Variants in ASTN2 observed in about 807,000 individuals in gnomAD.
The protein encoded by ASTN2 is astrotactin 2.
ASTN2 carries 54 observed loss-of-function variants against 139.8 expected under a neutral mutation model. The ratio of observed to expected loss-of-function variants is 0.39; its 90% CI spans 0.31 to 0.48. The LOEUF (loss-of-function observed/expected upper bound fraction) is 0.48. Ranked by LOEUF, ASTN2 falls within the 20% of genes least tolerant of loss-of-function variation. The pLI is 0.95. For synonymous variants in ASTN2, 756 were observed against 719.5 expected (o/e 1.05, Z -0.81); for missense variants, 1,565 against 1,725.1 (o/e 0.91, Z 1.64).
intron 12 of ASTN2, among the ~76,000 whole-genome samples, chr9:116,815,804 CAAAA>C (rs55954354): frequency 0.01 from 246 of 24,088 alleles, 3 homozygotes; most frequent in African/African-American, 0.041. Context: ...GACTCCGTCT[CAAAA>C]AAAAAAAAAA....
intron 1 of ASTN2, among the ~76,000 whole-genome samples, chr9:117,371,332 G>A (rs1829984867): frequency 6.6e-6 from 1 of 152,104 alleles, no homozygotes; most frequent in Non-Finnish European, 1.5e-5. Flanking sequence ...AACTAAAAGG[G>A]TCTATATATT....
intron 7 of ASTN2, among the ~76,000 whole-genome samples, chr9:117,004,719 G>T (rs2132578488): frequency 6.6e-6 from 1 of 152,284 alleles, no homozygotes; most frequent in South Asian, 2.1e-4. Flanking sequence ...AAGCCAGCCA[G>T]ACTCTTGTGA....
chr9:117,181,116 AC>A (rs1289053109), intron 3 of ASTN2: 1 of 899,382 alleles, frequency 1.1e-6, no homozygotes, highest in Non-Finnish European at 1.8e-6. Flanking sequence ...CAGGCTGCAT[AC>A]ACTACCAAGA....
chr9:117,110,313 G>T (rs938950716), intron 4 of ASTN2, among the ~76,000 whole-genome samples: 5 of 151,968 alleles, frequency 3.3e-5, no homozygotes, highest in African/African-American at 1.2e-4. Context: ...TCACCATAAG[G>T]GACCCATCCT....
intron 1 of ASTN2, among the ~76,000 whole-genome samples, chr9:117,384,480 C>T (rs982270272): frequency 1.3e-5 from 2 of 152,168 alleles, no homozygotes; most frequent in African/African-American, 2.4e-5. Context: ...AGTCCCTTCC[C>T]ACCTCTGCAC....
chr9:117,315,037 C>T (rs887000863), intron 1 of ASTN2, among the ~76,000 whole-genome samples: 2 of 149,290 alleles, frequency 1.3e-5, no homozygotes, highest in Admixed American at 1.3e-4. Flanking sequence ...TAACTAATTC[C>T]TTCAAGGCAT....
At chr9:117,342,200 A>G (rs1829082333) in intron 1 of ASTN2, among the ~76,000 whole-genome samples, 1 of 152,182 alleles carries the variant, frequency 6.6e-6, no homozygotes, top group African/African-American at 2.4e-5. Flanking sequence ...TGAATAGGAC[A>G]ATCAGGTTCA....
At chr9:116,658,588 C>T (rs1858365807) in intron 16 of ASTN2, among the ~76,000 whole-genome samples, 3 of 151,972 alleles carry the variant, frequency 2.0e-5, no homozygotes, top group South Asian at 2.1e-4. Flanking sequence ...ACGAGAAGTC[C>T]CAAGCATTGG....
chr9:116,578,878 G>A (rs2131706859), intron 19 of ASTN2: 1 of 152,176 alleles, frequency 6.6e-6, no homozygotes, highest in East Asian at 1.9e-4. Flanking sequence ...AAACAGCCTG[G>A]AAATTTCATG....
At chr9:116,818,458 T>A (rs568221611) in intron 12 of ASTN2, among the ~76,000 whole-genome samples, 5 of 152,184 alleles carry the variant, frequency 3.3e-5, no homozygotes, top group Non-Finnish European at 7.4e-5. Context: ...CAAATCCTGT[T>A]GAAACTGCAG....
At chr9:116,599,682 T>C (rs1854771012) in intron 19 of ASTN2, among the ~76,000 whole-genome samples, 1 of 152,128 alleles carries the variant, frequency 6.6e-6, no homozygotes, top group South Asian at 2.1e-4. Context: ...ATAGTGGAAA[T>C]ACACAAGGTG....
intron 10 of ASTN2, among the ~76,000 whole-genome samples, chr9:116,961,155 C>A (rs1835864973): frequency 6.6e-6 from 1 of 151,976 alleles, no homozygotes; most frequent in African/African-American, 2.4e-5. Context: ...CAAAACCATT[C>A]TTTTTTCTCT....
rs2132291692 is a variant in ASTN2, at chr9:116,835,358, A to G, written c.2041-14575T>C. Among the ~76,000 whole-genome samples the G allele has an allele frequency of 1.3e-5, 2 of 152,300 alleles. 1 individual carries two copies. Among genetic ancestry groups the G allele is most frequent in the South Asian group, 4.1e-4 (2 of 4,824 alleles). The stretch of plus-strand genomic sequence containing the variant: ...TTTATCCCAAAACACGTTTCTTGAC[A>G]TATTTTGAAATGGCCCTGCAAAGCT... On this transcript the variant is annotated intron_variant, in intron 11 of 22. Transcript: ENST00000313400.
intron 2 of ASTN2, among the ~76,000 whole-genome samples, chr9:117,271,989 C>T (rs1834076496): frequency 6.6e-6 from 1 of 152,182 alleles, no homozygotes; most frequent in Non-Finnish European, 1.5e-5. Context: ...CACAGCTATA[C>T]TAGGCAGTAC....
At chr9:116,753,560 C>A (rs1417292510) in intron 13 of ASTN2, among the ~76,000 whole-genome samples, 1 of 152,036 alleles carries the variant, frequency 6.6e-6, no homozygotes, top group Non-Finnish European at 1.5e-5. Flanking sequence ...CATTTCACAA[C>A]ACTAATGCAT....
At chr9:116,621,667 C>T (rs558143578) in intron 17 of ASTN2, among the ~76,000 whole-genome samples, 2 of 152,312 alleles carry the variant, frequency 1.3e-5, no homozygotes, top group East Asian at 3.9e-4. Flanking sequence ...ACTGGTCCCA[C>T]CAAGGGCAAG....
At chr9:117,312,922 C>A (rs1828022592) in intron 1 of ASTN2, among the ~76,000 whole-genome samples, 2 of 151,942 alleles carry the variant, frequency 1.3e-5, no homozygotes, top group Admixed American at 6.6e-5. Context: ...ATGTGGGTGC[C>A]CCTGCCTGTC....
chr9:117,148,353 C>A (rs1830249585), intron 3 of ASTN2, among the ~76,000 whole-genome samples: 1 of 152,204 alleles, frequency 6.6e-6, no homozygotes, highest in African/African-American at 2.4e-5. Context: ...AGTAAATGCT[C>A]AAGAAAGAGT....
chr9:116,423,794 A>C lies in ASTN2; in HGVS notation c.*2057T>G, dbSNP rs1847241554. Among the ~76,000 whole-genome samples the C allele has an allele frequency of 2.6e-5, 4 of 152,056 alleles. No homozygotes were observed. The highest frequency in any genetic ancestry group is 2.6e-4 in the Admixed American group (4 of 15,262). On this transcript the variant is annotated 3_prime_UTR_variant, in exon 23 of 23. Transcript: ENST00000313400. ...TGTGTTACCCATTTTCCCCATATGGATTGAAGTCCTGGGGAAAAAAATGCG... is the reference window on the plus strand; with the variant it reads ...TGTGTTACCCATTTTCCCCATATGGCTTGAAGTCCTGGGGAAAAAAATGCG...
Sources: gnomAD v4.1 joint callset for allele counts (sites outside exome capture counted in the v4.1 genomes callset) on GRCh38, gnomAD v4.1.1 for gene constraint, MANE v1.5 for transcripts, NCBI Gene and HGNC (gene_info 2026-07-23, HGNC 2026-07-21) for gene names.